Variants in LPP observed in about 807,000 individuals in gnomAD.
LPP encodes LIM domain containing preferred translocation partner in lipoma, also known as lipoma-preferred partner.
A neutral mutation model predicts 60.4 loss-of-function variants in LPP; 38 were observed. That is an observed-to-expected ratio of 0.63 (90% CI 0.49 to 0.83). LPP has a LOEUF of 0.83. Among genes scored for constraint, LPP ranks in the 40% least tolerant of loss-of-function variants. LPP has a pLI of 0.00. For synonymous variants in LPP, 328 were observed against 290.8 expected (o/e 1.13, Z -1.30); for missense variants, 902 against 783.6 (o/e 1.15, Z -1.80).
Position 188,616,473 on chromosome 3 carries a change from GT to G in LPP, c.1113+6633del, listed in dbSNP as rs1844871123. ...TCTGTTTCAATACCAGTACCATGTTGTTTTGGTTACTGTAGCCTTGTAGTAT... is the reference window on the plus strand; with the variant it reads ...TCTGTTTCAATACCAGTACCATGTTGTTTGGTTACTGTAGCCTTGTAGTAT... On this transcript the variant is annotated intron_variant, in intron 7 of 11. Coordinates refer to ENST00000617246, the MANE Select transcript of LPP (RefSeq NM_001375462.1). Among the ~76,000 whole-genome samples, 4 of 152,274 alleles carry G rather than the reference GT, an allele frequency of 2.6e-5. No individual in the cohort carries two copies. In the South Asian group the frequency reaches 6.2e-4, roughly 24 times the overall value.
At position 188,495,082 on chromosome 3, in the gene LPP, A is replaced by ATATTTTTT. The variant is rs1342207321; in HGVS notation, c.306+10379_306+10380insATTTTTTT. ...CAGGATTTTATATATATATATATAT[A>ATATTTTTT]TTTTATTTATATTTTATTATATATT... On this transcript the variant is annotated intron_variant, in intron 5 of 11. Coordinates refer to ENST00000617246, the MANE Select transcript of LPP (RefSeq NM_001375462.1). 5.2e-3 allele frequency among the ~76,000 whole-genome samples: 501 copies of ATATTTTTT among 97,240 alleles called. 28 individuals are homozygous for ATATTTTTT. The highest frequency in any genetic ancestry group is 0.019 in the African/African-American group (468 of 25,078). 63.8% of individuals were successfully genotyped at this position (97,240 alleles called of 152,430 possible). A position where few individuals can be genotyped will look rare whatever the true frequency, so the allele number is the denominator to read the frequency against.
chr3:188,201,343 G>C (rs1419086967), intron 1 of LPP, among the ~76,000 whole-genome samples: 1 of 152,166 alleles, frequency 6.6e-6, no homozygotes, highest in African/African-American at 2.4e-5. Flanking sequence ...GAGAAGTAGA[G>C]AGTTTTATAT....
chr3:188,207,612 C>CT (rs1329706733), intron 1 of LPP, among the ~76,000 whole-genome samples: 1 of 147,286 alleles, frequency 6.8e-6, no homozygotes, highest in East Asian at 2.0e-4. Flanking sequence ...TCTTTCTTTT[C>CT]TTTTTCTTCT....
intron 9 of LPP, among the ~76,000 whole-genome samples, chr3:188,832,486 G>T (rs1196432020): frequency 6.6e-6 from 1 of 152,200 alleles, no homozygotes. Context: ...GTAAGACTCC[G>T]AGTGGAGGAC....
At chr3:188,335,540 T>G (rs1761405033) in intron 2 of LPP, among the ~76,000 whole-genome samples, 1 of 152,222 alleles carries the variant, frequency 6.6e-6, no homozygotes, top group Admixed American at 6.5e-5. Context: ...AGGGTAAGAA[T>G]GCATTCATGA....
intron 2 of LPP, among the ~76,000 whole-genome samples, chr3:188,322,926 T>C (rs1272807584): frequency 1.3e-5 from 2 of 152,252 alleles, no homozygotes; most frequent in South Asian, 2.1e-4. Flanking sequence ...GTATGTCTTA[T>C]GGTTTTGCTG....
chr3:188,830,168 A>G (rs187442578), intron 9 of LPP, among the ~76,000 whole-genome samples: 2 of 152,150 alleles, frequency 1.3e-5, no homozygotes, highest in East Asian at 3.9e-4. Flanking sequence ...TAATTTCCAT[A>G]CACACCAAAC....
intron 7 of LPP, among the ~76,000 whole-genome samples, chr3:188,675,465 A>C (rs146737467): frequency 2.6e-5 from 4 of 152,330 alleles, no homozygotes; most frequent in African/African-American, 9.6e-5. Context: ...GCTCCTAGCA[A>C]ATTAGAGAAA....
chr3:188,472,786 T>C (rs1802178416), intron 4 of LPP: 1 of 152,182 alleles, frequency 6.6e-6, no homozygotes, highest in African/African-American at 2.4e-5. Flanking sequence ...CTGGATTTTG[T>C]TGGAGATATT....
intron 3 of LPP, among the ~76,000 whole-genome samples, chr3:188,374,004 G>T (rs1168635723): frequency 6.6e-6 from 1 of 152,188 alleles, no homozygotes; most frequent in African/African-American, 2.4e-5. Flanking sequence ...GTTTGTCAAA[G>T]ATCAGATAGT....
chr3:188,384,390 T>C (rs1021927220), intron 3 of LPP, among the ~76,000 whole-genome samples: 2 of 151,800 alleles, frequency 1.3e-5, no homozygotes, highest in African/African-American at 4.8e-5. Flanking sequence ...ACCATATATA[T>C]ATGGCTTATA....
intron 9 of LPP, among the ~76,000 whole-genome samples, chr3:188,852,810 G>A (rs947419270): frequency 6.6e-6 from 1 of 152,172 alleles, no homozygotes; most frequent in African/African-American, 2.4e-5. Flanking sequence ...GACTTCAAAG[G>A]TATGTATTTC....
At chr3:188,871,586 A>T (rs979385995) in intron 10 of LPP, among the ~76,000 whole-genome samples, 6 of 152,164 alleles carry the variant, frequency 3.9e-5, no homozygotes, top group Non-Finnish European at 7.3e-5. Flanking sequence ...ATTTCTTTTT[A>T]AGTCTCACTA....
chr3:188,700,955 A>G (rs965309382), intron 7 of LPP, among the ~76,000 whole-genome samples: 3 of 152,254 alleles, frequency 2.0e-5, no homozygotes, highest in African/African-American at 7.2e-5. Context: ...CATGTTACAC[A>G]TAAAGAAACT....
chr3:188,746,657 G>A, intron 8 of LPP: 1 of 412,584 alleles, frequency 2.4e-6, no homozygotes, highest in East Asian at 5.5e-5. Flanking sequence ...AGTTTCTGTG[G>A]ACTTACATGG....
intron 2 of LPP, among the ~76,000 whole-genome samples, chr3:188,255,376 G>C (rs956762243): frequency 6.6e-6 from 1 of 152,126 alleles, no homozygotes; most frequent in Non-Finnish European, 1.5e-5. Context: ...CTCAAAACCA[G>C]GTCTGTATAC....
intron 8 of LPP, among the ~76,000 whole-genome samples, chr3:188,753,581 G>GTGTGTGTC (rs1491415243): frequency 6.4e-5 from 1 of 15,742 alleles, no homozygotes; most frequent in Non-Finnish European, 1.9e-4. Context: ...TGTTGTGTGC[G>GTGTGTGTC]TGTGTGTGTG....
At chr3:188,524,212 A>G (rs1463910526) in intron 5 of LPP, among the ~76,000 whole-genome samples, 1 of 152,168 alleles carries the variant, frequency 6.6e-6, no homozygotes, top group Non-Finnish European at 1.5e-5. Context: ...AAGCACTGGC[A>G]TGCTCCAATG....
rs79279203 is a variant in LPP, at chr3:188,380,346, T to C, written c.-9-25766T>C. 7.2e-5 allele frequency among the ~76,000 whole-genome samples: 11 copies of C among 152,396 alleles called. No homozygotes were observed. The East Asian group carries it at 2.1e-3, about 29-fold the overall frequency. On this transcript the variant is annotated intron_variant, in intron 3 of 11. Coordinates refer to ENST00000617246, the MANE Select transcript of LPP (RefSeq NM_001375462.1). ...AGCATTTTCATGGCAAACCCTACTT[T>C]GTATATTTTTGTCATATTATGAGAA...
Sources: gnomAD v4.1 joint callset for allele counts (sites outside exome capture counted in the v4.1 genomes callset) on GRCh38, gnomAD v4.1.1 for gene constraint, MANE v1.5 for transcripts, NCBI Gene and HGNC (gene_info 2026-07-23, HGNC 2026-07-21) for gene names.